The following MBD5 variants were observed in gnomAD, a reference collection of about 807,000 sequenced individuals.
MBD5 encodes the protein methyl-CpG-binding domain protein 5.
A neutral mutation model predicts 117.3 loss-of-function variants in MBD5; 13 were observed. The observed-to-expected ratio is 0.11, with a 90% confidence interval of 0.07 to 0.18. MBD5 has a LOEUF of 0.18. MBD5 is among the 10% of genes least tolerant of loss of function. The pLI is 1.00. For synonymous variants in MBD5, 727 were observed against 766.4 expected (o/e 0.95, Z 0.85); for missense variants, 1,879 against 2,093.8 (o/e 0.90, Z 2.00).
At chr2:148,500,564 T>C (rs1681841414) in intron 11 of MBD5, among the ~76,000 whole-genome samples, 1 of 152,144 alleles carries the variant, frequency 6.6e-6, no homozygotes, top group South Asian at 2.1e-4. Context: ...AAAATAAAAA[T>C]TGAAGACTTA....
intron 3 of MBD5, among the ~76,000 whole-genome samples, chr2:148,272,796 AT>A (rs574491490): frequency 1.2e-3 from 188 of 151,892 alleles, no homozygotes; most frequent in Middle Eastern, 0.01. Context: ...ATATAATTCC[AT>A]TTATCTATTT....
At chr2:148,259,729 A>G (rs1700686106) in intron 3 of MBD5, among the ~76,000 whole-genome samples, 1 of 152,188 alleles carries the variant, frequency 6.6e-6, no homozygotes, top group African/African-American at 2.4e-5. Context: ...TGAGCCAAGC[A>G]TGAGCTCACA....
chr2:148,321,178 A>G (rs1426057868), intron 3 of MBD5, among the ~76,000 whole-genome samples: 2 of 152,208 alleles, frequency 1.3e-5, no homozygotes, highest in African/African-American at 4.8e-5. Flanking sequence ...AACTTAGTAA[A>G]CAGTTACATT....
chr2:148,062,431 C>A (rs1274036303), intron 1 of MBD5: 2 of 151,738 alleles, frequency 1.3e-5, no homozygotes, highest in East Asian at 3.8e-4. Flanking sequence ...AGTTGCATAA[C>A]CTGCTTTTAA....
chr2:148,468,479 G>A lies in MBD5; in HGVS notation c.536G>A (p.Gly179Glu), dbSNP rs1483071650. The change falls in exon 8 of 14, where the codon GGA becomes GAA. Residue 179 changes from glycine to glutamate, a missense_variant. Physicochemically the swap from Gly to Glu is moderately conservative, Grantham distance 98 (BLOSUM62 -2). Around this residue, in one of 4 missense-constraint regions of MBD5, gnomAD observed 1,666 missense variants for 1,792.2 expected, o/e 0.93. Coordinates refer to ENST00000642680, the MANE Select transcript of MBD5 (RefSeq NM_001378120.1). ...ATGATTGGATCATCAAATGCCATGGGAAGGCTATATGTACAAGAACTGCCT... is the reference window on the plus strand; with the variant it reads ...ATGATTGGATCATCAAATGCCATGGAAAGGCTATATGTACAAGAACTGCCT... ...KLMIGSSNAM[G>E]RLYVQELPGS... The A allele has an allele frequency of 1.2e-6, 2 of 1,613,822 alleles. No homozygotes were observed. The highest frequency in any genetic ancestry group is 2.2e-5 in the East Asian group (1 of 44,862).
intron 3 of MBD5, among the ~76,000 whole-genome samples, chr2:148,294,506 T>G (rs868850519): frequency 0.021 from 2,681 of 130,610 alleles, 72 homozygotes; most frequent in Non-Finnish European, 0.03. Flanking sequence ...TTACAGTTTT[T>G]TTTTTTTTTT....
At chr2:148,476,867 A>G (rs76227995) in intron 8 of MBD5, among the ~76,000 whole-genome samples, 15,402 of 152,186 alleles carry the variant, frequency 0.1, 909 homozygotes, top group African/African-American at 0.14. Flanking sequence ...CAATTGGAAT[A>G]TTGATGAAGT....
intron 4 of MBD5, among the ~76,000 whole-genome samples, chr2:148,389,797 T>A (rs1209394466): frequency 6.6e-6 from 1 of 152,106 alleles, no homozygotes; most frequent in African/African-American, 2.4e-5. Flanking sequence ...TTTTTCTTGT[T>A]GATTTGTTTA....
Position 148,513,653 on chromosome 2 carries a change from A to C in MBD5, c.*712A>C, listed in dbSNP as rs535564072. The C allele has an allele frequency of 2.0e-5, 3 of 152,388 alleles. No individual in the cohort carries two copies. In the South Asian group the frequency reaches 6.2e-4, roughly 32 times the overall value. The allele number at this position is 152,388 out of a possible 1,614,324, so 9.4% of individuals were successfully genotyped here. On this transcript the variant is annotated 3_prime_UTR_variant, in exon 14 of 14. Coordinates refer to ENST00000642680, the MANE Select transcript of MBD5 (RefSeq NM_001378120.1). ...GGAAATTGCAACTTTGCAGATTTCTAAAGGGATGAGGGCTCACAGGTCTAA... is the reference window on the plus strand; with the variant it reads ...GGAAATTGCAACTTTGCAGATTTCTCAAGGGATGAGGGCTCACAGGTCTAA...
chr2:148,470,506 C>T, intron 8 of MBD5, 45 bp downstream of exon 8: 4 of 1,480,298 alleles, frequency 2.7e-6, no homozygotes, highest in Non-Finnish European at 3.6e-6. Flanking sequence ...CTAAACTTTT[C>T]TACTTTTTTA....
At chr2:148,481,552 G>A (rs945333085) in intron 8 of MBD5, among the ~76,000 whole-genome samples, 1 of 152,114 alleles carries the variant, frequency 6.6e-6, no homozygotes, top group African/African-American at 2.4e-5. Flanking sequence ...AACTAAAAAT[G>A]TGTATTCTTA....
intron 4 of MBD5, among the ~76,000 whole-genome samples, chr2:148,344,429 C>A (rs530289313): frequency 2.0e-5 from 3 of 151,944 alleles, no homozygotes; most frequent in African/African-American, 7.2e-5. Context: ...TTAAAAATAT[C>A]GATTCTTCCA....
intron 1 of MBD5, among the ~76,000 whole-genome samples, chr2:148,089,798 A>G (rs1381324175): frequency 6.6e-6 from 1 of 152,074 alleles, no homozygotes; most frequent in East Asian, 1.9e-4. Context: ...AGAAACAAGA[A>G]CAAACCAAAT....
chr2:148,121,087 G>T (rs1261392994), intron 1 of MBD5, among the ~76,000 whole-genome samples: 2 of 152,188 alleles, frequency 1.3e-5, no homozygotes, highest in Non-Finnish European at 2.9e-5. Context: ...TTTATTAACA[G>T]CATTGTCTAG....
chr2:148,408,954 G>A (rs973487747), intron 4 of MBD5, among the ~76,000 whole-genome samples: 1 of 152,082 alleles, frequency 6.6e-6, no homozygotes. Context: ...ATGGACATAG[G>A]TTATAGGCAA....
chr2:148,043,284 A>AT (rs999276821), intron 1 of MBD5, among the ~76,000 whole-genome samples: 3 of 150,710 alleles, frequency 2.0e-5, no homozygotes, highest in African/African-American at 4.9e-5. Context: ...AAAAAATAAA[A>AT]AAATAAATAA....
At chr2:148,216,781 T>A (rs1360975109) in intron 2 of MBD5, among the ~76,000 whole-genome samples, 5 of 152,134 alleles carry the variant, frequency 3.3e-5, no homozygotes, top group Non-Finnish European at 1.5e-5. Flanking sequence ...CCCGTGTTTC[T>A]CCTTTCTCAC....
At chr2:148,437,963 A>T (rs1382989990) in intron 4 of MBD5, among the ~76,000 whole-genome samples, 1 of 151,968 alleles carries the variant, frequency 6.6e-6, no homozygotes, top group Non-Finnish European at 1.5e-5. Context: ...AAATGCAGAT[A>T]TACAAAAAGG....
chr2:148,182,713 GCTT>G (rs1698558862), intron 2 of MBD5, among the ~76,000 whole-genome samples: 1 of 152,130 alleles, frequency 6.6e-6, no homozygotes, highest in Non-Finnish European at 1.5e-5. Flanking sequence ...TTCCTTCTCA[GCTT>G]CTTCCACTCC....
Sources: gnomAD v4.1 joint callset for allele counts (sites outside exome capture counted in the v4.1 genomes callset) on GRCh38, gnomAD v4.1.1 for gene constraint, gnomAD v4.1.1 regional missense constraint, MANE v1.5 for transcripts, NCBI Gene and HGNC (gene_info 2026-07-23, HGNC 2026-07-21) for gene names.